The following IL20RB variants were observed in gnomAD, a reference collection of about 807,000 sequenced individuals.
IL20RB encodes interleukin-20 receptor subunit beta.
Under a neutral mutation model 33.3 loss-of-function variants are expected in IL20RB, and 21 were observed. The ratio of observed to expected loss-of-function variants is 0.63; its 90% CI spans 0.45 to 0.91. IL20RB has a LOEUF of 0.91. IL20RB is among the 40% of genes least tolerant of loss of function. The probability of loss-of-function intolerance (pLI) is 0.00; values close to 1 mark genes in which losing one functional copy is unlikely to be tolerated. For synonymous variants in IL20RB, 147 were observed against 146.8 expected (o/e 1.00, Z -0.01); for missense variants, 345 against 384.8 (o/e 0.90, Z 0.86).
intron 6 of IL20RB, among the ~76,000 whole-genome samples, chr3:137,000,122 C>T (rs1371281264): frequency 6.6e-6 from 1 of 152,142 alleles, no homozygotes; most frequent in African/African-American, 2.4e-5. Context: ...TTATGTTCCT[C>T]TGAAAACTAT....
Position 137,010,317 on chromosome 3 carries a change from C to A in IL20RB, c.*94C>A. The A allele has an allele frequency of 4.1e-6, 3 of 724,342 alleles. No individual in the cohort carries two copies. Among genetic ancestry groups the A allele is most frequent in the Admixed American group, 2.1e-5 (1 of 48,468 alleles). The allele number at this position is 724,342 out of a possible 1,614,324, so 44.9% of individuals were successfully genotyped here. On this transcript the variant is annotated 3_prime_UTR_variant, in exon 7 of 7. Coordinates refer to ENST00000329582, the MANE Select transcript of IL20RB (RefSeq NM_144717.4). ...TTGTGTTTCTGTTTTCCGCCACGGA[C>A]AAGGGATGAGAGAAGTAGGAAGAGC...
rs757364476 is a variant in IL20RB, at chr3:136,989,541, C to T, written c.507C>T (p.Tyr169=). Residue 169 remains tyrosine (Y), a synonymous_variant, in exon 4 of 7, where the codon TAC becomes TAT. Coordinates refer to ENST00000329582, the MANE Select transcript of IL20RB (RefSeq NM_144717.4). Reference sequence around the variant, plus strand: ...CCCAGTTTGAGTTCCTTGTGGCCTACTGGAGGAGGGAGCCTGGTGCCGAGG... The same window carrying T: ...CCCAGTTTGAGTTCCTTGTGGCCTATTGGAGGAGGGAGCCTGGTGCCGAGG... ...LGPQFEFLVA[Y]WRREPGAEEH... 6.2e-7 allele frequency: 1 copy of T among 1,613,992 alleles called. No individual in the cohort carries two copies. Among genetic ancestry groups the T allele is most frequent in the Non-Finnish European group, 8.5e-7 (1 of 1,179,946 alleles).
At chr3:136,989,346 A>G (rs1941983553) in intron 3 of IL20RB, 95 bp from the exon 4 acceptor site, 5 of 1,434,020 alleles carry the variant, frequency 3.5e-6, no homozygotes, top group South Asian at 1.2e-5. Flanking sequence ...TCCTACGGAG[A>G]CGGACATATT....
At chr3:137,000,632 A>G (rs1046981043) in intron 6 of IL20RB, among the ~76,000 whole-genome samples, 4 of 152,222 alleles carry the variant, frequency 2.6e-5, no homozygotes, top group African/African-American at 9.6e-5. Flanking sequence ...CTCTCCTGAC[A>G]TAAGTGGAAG....
Position 136,980,551 on chromosome 3 carries a change from C to G in IL20RB, c.174C>G (p.Ile58Met), listed in dbSNP as rs779444139. 2.5e-6 allele frequency: 4 copies of G among 1,614,144 alleles called. No individual in the cohort carries two copies. Among genetic ancestry groups the G allele is most frequent in the East Asian group, 2.2e-5 (1 of 44,882 alleles). Residue 58 changes from isoleucine (I) to methionine (M), a missense_variant, in exon 2 of 7, where the codon ATC becomes ATG. Transcript: ENST00000329582. Reference protein sequence around the residue: ...MKHLLMWSPVIAPGETVYYSV... With the variant: ...MKHLLMWSPVMAPGETVYYSV... ...ATCTCTTGATGTGGAGCCCAGTGAT[C>G]GCGCCTGGAGAAACAGTGTACTATT...
chr3:136,983,458 C>T (rs995831563), intron 3 of IL20RB, among the ~76,000 whole-genome samples: 1 of 152,170 alleles, frequency 6.6e-6, no homozygotes, highest in African/African-American at 2.4e-5. Flanking sequence ...GGCAAGCCTG[C>T]AGGACAGGGG....
At chr3:136,964,525 A>G (rs1413178912) in intron 1 of IL20RB, among the ~76,000 whole-genome samples, 1 of 47,980 alleles carries the variant, frequency 2.1e-5, no homozygotes, top group Non-Finnish European at 3.6e-5. Context: ...TCCTTCGCCC[A>G]CTTTTTGATG....
At chr3:136,996,894 G>A (rs535410455) in intron 6 of IL20RB, among the ~76,000 whole-genome samples, 5 of 152,246 alleles carry the variant, frequency 3.3e-5, no homozygotes, top group African/African-American at 7.2e-5. Flanking sequence ...TAGCAAGAAC[G>A]TGAGGGTCTC....
At chr3:137,009,780 C>G (rs1933035219) in intron 6 of IL20RB, among the ~76,000 whole-genome samples, 1 of 152,076 alleles carries the variant, frequency 6.6e-6, no homozygotes. Flanking sequence ...AAGCGATCTG[C>G]CTGTTTCAGC....
At chr3:136,979,037 C>T (rs894635593) in intron 1 of IL20RB, among the ~76,000 whole-genome samples, 1 of 152,002 alleles carries the variant, frequency 6.6e-6, no homozygotes, top group African/African-American at 2.4e-5. Flanking sequence ...GGTTTATATT[C>T]CCCAAATAGC....
At chr3:136,992,863 A>T (rs1942059034) in intron 5 of IL20RB, among the ~76,000 whole-genome samples, 1 of 152,146 alleles carries the variant, frequency 6.6e-6, no homozygotes, top group African/African-American at 2.4e-5. Flanking sequence ...CACCATGCTC[A>T]GCTCATTTAG....
At chr3:136,980,008 G>T (rs554739203) in intron 1 of IL20RB, among the ~76,000 whole-genome samples, 1 of 152,126 alleles carries the variant, frequency 6.6e-6, no homozygotes. Flanking sequence ...TAACAGAAGA[G>T]TCATAAATAA....
At chr3:136,974,258 A>C (rs895373729) in intron 1 of IL20RB, among the ~76,000 whole-genome samples, 1 of 152,090 alleles carries the variant, frequency 6.6e-6, no homozygotes, top group African/African-American at 2.4e-5. Flanking sequence ...ATGTGATTTC[A>C]TAATGGTAAA....
At chr3:136,990,680 T>C (rs1942014636) in intron 4 of IL20RB, among the ~76,000 whole-genome samples, 1 of 152,220 alleles carries the variant, frequency 6.6e-6, no homozygotes, top group Admixed American at 6.5e-5. Context: ...TCGCCTCTGA[T>C]TGGACCCTTC....
At chr3:136,975,288 G>T (rs988246728) in intron 1 of IL20RB, among the ~76,000 whole-genome samples, 4 of 152,022 alleles carry the variant, frequency 2.6e-5, no homozygotes, top group Admixed American at 2.6e-4. Context: ...TCCTGAAGAT[G>T]TATCTGTGGT....
At chr3:136,997,650 CT>C (rs1197459477) in intron 6 of IL20RB, among the ~76,000 whole-genome samples, 1 of 146,064 alleles carries the variant, frequency 6.8e-6, no homozygotes, top group East Asian at 2.0e-4. Context: ...TTAAATCTAT[CT>C]GTATATTTAT....
chr3:137,009,163 G>C (rs535752904), intron 6 of IL20RB, among the ~76,000 whole-genome samples: 30 of 152,332 alleles, frequency 2.0e-4, no homozygotes, highest in African/African-American at 5.5e-4. Flanking sequence ...CAATGAAGCT[G>C]ATGTCTCCTG....
At chr3:136,972,229 C>G (rs1295653171) in intron 1 of IL20RB, among the ~76,000 whole-genome samples, 3 of 152,032 alleles carry the variant, frequency 2.0e-5, no homozygotes, top group Non-Finnish European at 4.4e-5. Flanking sequence ...CTGGATATTA[C>G]TCTGTTGTTG....
intron 3 of IL20RB, among the ~76,000 whole-genome samples, chr3:136,988,263 C>A (rs1941957962): frequency 6.6e-6 from 1 of 152,192 alleles, no homozygotes; most frequent in African/African-American, 2.4e-5. Context: ...GTCTGAAAGG[C>A]AAGTATAACT....
Sources: allele counts gnomAD v4.1 joint callset (sites outside exome capture counted in the v4.1 genomes callset), GRCh38; gene constraint gnomAD v4.1.1; transcripts MANE v1.5; gene names NCBI Gene and HGNC (gene_info 2026-07-23, HGNC 2026-07-21).